PCDHGB1: variants seen among roughly 807,000 people sequenced by gnomAD.
The protein encoded by PCDHGB1 is protocadherin gamma subfamily B, 1.
In PCDHGB1, 34 loss-of-function variants were observed where a neutral mutation model predicts 56.6. The ratio of observed to expected loss-of-function variants is 0.60; its 90% CI spans 0.46 to 0.80. The LOEUF (loss-of-function observed/expected upper bound fraction) is 0.80, where lower values mean the gene tolerates loss of function less well. PCDHGB1 is among the 30% of genes least tolerant of loss of function. The pLI, the probability that PCDHGB1 is intolerant of heterozygous loss-of-function variation, is 0.00. For synonymous variants in PCDHGB1, 561 were observed against 505.9 expected (o/e 1.11, Z -1.46); for missense variants, 1,278 against 1,204.6 (o/e 1.06, Z -0.90).
In PCDHGB1 at chr5:141,431,584, G is replaced by C. The variant is rs201462681; in HGVS notation, c.2410-63223G>C. 5.0e-6 allele frequency: 8 copies of C among 1,614,192 alleles called. No individual in the cohort carries two copies. The Admixed American group carries it at 1.3e-4, about 27-fold the overall frequency. ...CCGACCCTGACGAAGGAGTCAATGC[G>C]GAAGTGAGGTATTCCTTCCGGTATG... On this transcript the variant is annotated intron_variant, in intron 1 of 3. Transcript: ENST00000523390. This position sits in a 1 kb window ranked among gnomAD's most constrained non-coding sequence, Gnocchi z 4.8.
chr5:141,394,865 G>T (rs2093117021), intron 1 of PCDHGB1: 1 of 1,613,816 alleles, frequency 6.2e-7, no homozygotes, highest in Non-Finnish European at 8.5e-7. Flanking sequence ...CGGTCGACCC[G>T]AACGATTCGA....
intron 1 of PCDHGB1, chr5:141,390,668 A>C: frequency 5.2e-6 from 1 of 191,616 alleles, no homozygotes; most frequent in South Asian, 1.1e-4. Flanking sequence ...ATAAATATAA[A>C]AATAATAAAG....
intron 1 of PCDHGB1, chr5:141,387,572 T>G: frequency 2.1e-6 from 1 of 480,808 alleles, no homozygotes; most frequent in South Asian, 3.5e-5. Context: ...CAATTATAAT[T>G]ATTGCACTGG....
Position 141,489,764 on chromosome 5 carries a change from A to G in PCDHGB1, c.2410-5043A>G. ...GTGAGCTTTTACACTCTAAGCCCCA[A>G]CAGCCACTTCTCTCTGAATGTGAAG... is the stretch of plus-strand genomic sequence containing the variant. On this transcript the variant is annotated intron_variant, in intron 1 of 3. Transcript: ENST00000523390. The surrounding 1 kb of genome is among the most constrained non-coding windows in gnomAD (Gnocchi z 4.5). 2 of 1,613,556 alleles carry G rather than the reference A, an allele frequency of 1.2e-6. No homozygotes were observed. The highest frequency in any genetic ancestry group is 1.7e-6 in the Non-Finnish European group (2 of 1,179,894).
In PCDHGB1 at chr5:141,430,950, T is replaced by A. The variant is rs756423770; in HGVS notation, c.2410-63857T>A. 7 of 1,609,862 alleles carry A rather than the reference T, an allele frequency of 4.3e-6. No individual in the cohort carries two copies. Among genetic ancestry groups the A allele is most frequent in the Non-Finnish European group, 5.1e-6 (6 of 1,178,368 alleles). On this transcript the variant is annotated intron_variant, in intron 1 of 3. Transcript: ENST00000523390. ...CCCCGGGAGCTCGCGGAGCGCGGAG[T>A]CCGCATCATCCCCAGAGGTAGGACG... is the stretch of plus-strand genomic sequence containing the variant.
intron 1 of PCDHGB1, among the ~76,000 whole-genome samples, chr5:141,455,201 CAATAAGAGTTTTT>C (rs1373301624): frequency 6.6e-6 from 1 of 151,722 alleles, no homozygotes; most frequent in Non-Finnish European, 1.5e-5. Flanking sequence ...AATTTACAAC[CAATAAGAGTTTTT>C]AATGCTTTGA....
At chr5:141,416,124 AT>A (rs1297389183) in intron 1 of PCDHGB1, 1 of 154,644 alleles carries the variant, frequency 6.5e-6, no homozygotes, top group Non-Finnish European at 1.4e-5. Flanking sequence ...CATTTTATAT[AT>A]TTTTCAATCT....
At chr5:141,465,880 TG>T (rs2154569018) in intron 1 of PCDHGB1, among the ~76,000 whole-genome samples, 1 of 152,096 alleles carries the variant, frequency 6.6e-6, no homozygotes, top group East Asian at 1.9e-4. Context: ...CCCAGCACTT[TG>T]GGAGGCCGAG....
At chr5:141,365,314 T>A in intron 1 of PCDHGB1, 1 of 1,613,862 alleles carries the variant, frequency 6.2e-7, no homozygotes, top group East Asian at 2.2e-5. Context: ...GCGCTCTTGT[T>A]GCCAGCGCTA....
chr5:141,361,703 A>G, intron 1 of PCDHGB1: 1 of 1,613,388 alleles, frequency 6.2e-7, no homozygotes, highest in East Asian at 2.2e-5. Flanking sequence ...TTCGATCATG[A>G]GCAGCTGCGC....
Position 141,490,310 on chromosome 5 carries a change from A to G in PCDHGB1, c.2410-4497A>G. 2 of 1,614,082 alleles carry G rather than the reference A, an allele frequency of 1.2e-6. No homozygotes were observed. Among genetic ancestry groups the G allele is most frequent in the South Asian group, 2.2e-5 (2 of 91,078 alleles). ...GAGGTGCTATTGGCCTCTTTGGCCA[A>G]CCCTGTCCTAGAGAGCACACCAGTG... On this transcript the variant is annotated intron_variant, in intron 1 of 3. Transcript: ENST00000523390. The surrounding 1 kb of genome is among the most constrained non-coding windows in gnomAD (Gnocchi z 5.4).
intron 1 of PCDHGB1, among the ~76,000 whole-genome samples, chr5:141,449,636 TA>T (rs1448731592): frequency 7.3e-5 from 11 of 150,610 alleles, no homozygotes; most frequent in Non-Finnish European, 1.2e-4. Flanking sequence ...AAGATGTATC[TA>T]TATATACATA....
chr5:141,364,769 G>T (rs755884627), intron 1 of PCDHGB1: 1 of 1,614,012 alleles, frequency 6.2e-7, no homozygotes, highest in Admixed American at 1.7e-5. Flanking sequence ...TGAAAATGCG[G>T]CTGCAGGGAC....
At chr5:141,365,352 A>G in intron 1 of PCDHGB1, 1 of 1,613,938 alleles carries the variant, frequency 6.2e-7, no homozygotes. Flanking sequence ...CAGGACGTGA[A>G]TGACAATGCC....
Position 141,450,950 on chromosome 5 carries a change from A to G in PCDHGB1, c.2410-43857A>G, listed in dbSNP as rs1176916120. ...AGCAATTCTCCTACCTCAGCCTCCCAAGTAGCTGGGATTACAGGCATGTGC... is the reference window on the plus strand; with the variant it reads ...AGCAATTCTCCTACCTCAGCCTCCCGAGTAGCTGGGATTACAGGCATGTGC... On this transcript the variant is annotated intron_variant, in intron 1 of 3. Coordinates refer to ENST00000523390, the MANE Select transcript of PCDHGB1 (RefSeq NM_018922.3). Among the ~76,000 whole-genome samples, 9 of 150,714 alleles carry G rather than the reference A, an allele frequency of 6.0e-5. No individual in the cohort carries two copies. In the East Asian group the frequency reaches 1.6e-3, roughly 26 times the overall value.
intron 1 of PCDHGB1, among the ~76,000 whole-genome samples, chr5:141,401,300 C>A (rs1169689828): frequency 1.3e-5 from 2 of 152,200 alleles, no homozygotes; most frequent in African/African-American, 4.8e-5. Context: ...CGAGATCACT[C>A]CATTGCATTC....
intron 1 of PCDHGB1, chr5:141,383,482 G>T (rs908975143): frequency 6.2e-7 from 1 of 1,613,500 alleles, no homozygotes; most frequent in Non-Finnish European, 8.5e-7. Context: ...CCCGGAACTG[G>T]TGCTGGAGCG....
chr5:141,428,233 C>A, intron 1 of PCDHGB1: 1 of 1,049,106 alleles, frequency 9.5e-7, no homozygotes, highest in Non-Finnish European at 1.4e-6. Context: ...AGACAGCCTG[C>A]AGGAGGCACT....
At chr5:141,434,763 C>T (rs2097714876) in intron 1 of PCDHGB1, among the ~76,000 whole-genome samples, 1 of 151,296 alleles carries the variant, frequency 6.6e-6, no homozygotes, top group South Asian at 2.1e-4. Flanking sequence ...TTCCCCACTT[C>T]ACACTTCTAA....
Sources: gnomAD v4.1 joint callset for allele counts (sites outside exome capture counted in the v4.1 genomes callset) on GRCh38, gnomAD v4.1.1 for gene constraint, Gnocchi (gnomAD v3.1) non-coding constraint, MANE v1.5 for transcripts, NCBI Gene and HGNC (gene_info 2026-07-23, HGNC 2026-07-21) for gene names.